Variants in CPNE8 observed in about 807,000 individuals in gnomAD.
CPNE8 encodes copine 8.
In CPNE8, 45 loss-of-function variants were observed where a neutral mutation model predicts 81.5. That is an observed-to-expected ratio of 0.55 (90% CI 0.44 to 0.71). The LOEUF is 0.71. CPNE8 is among the 30% of genes least tolerant of loss of function. CPNE8 has a pLI of 0.00. For missense variants in CPNE8, 594 were observed against 672.1 expected (o/e 0.88, Z 1.28); for synonymous variants, 252 against 226.3 (o/e 1.11, Z -1.02).
chr12:38,817,566 G>A (rs896534181), intron 6 of CPNE8, among the ~76,000 whole-genome samples: 10 of 147,868 alleles, frequency 6.8e-5, no homozygotes, highest in African/African-American at 9.9e-5. Flanking sequence ...TATTACTAAA[G>A]TGATACCAAA....
At chr12:38,895,032 A>T (rs1328350021) in intron 1 of CPNE8, among the ~76,000 whole-genome samples, 2 of 152,120 alleles carry the variant, frequency 1.3e-5, no homozygotes, top group Non-Finnish European at 2.9e-5. Flanking sequence ...TCTCTGGTTC[A>T]TTACACTCTC....
In CPNE8 at chr12:38,685,538, T is replaced by A. The variant is rs1939513668; in HGVS notation, c.1223A>T (p.Gln408Leu). 6.2e-7 allele frequency: 1 copy of A among 1,613,640 alleles called. No individual in the cohort carries two copies. The highest frequency in any genetic ancestry group is 1.3e-5 in the African/African-American group (1 of 75,026). The change falls in exon 16 of 20, where the codon CAA becomes CTA. Residue 408 changes from glutamine (Q) to leucine (L), a missense_variant. Physicochemically the swap from Gln to Leu is moderately radical, Grantham distance 113. Transcript: ENST00000331366. ...AGCAAAGTTGGTGGGCCCATATAGTTGTACAGATTTCAGACTCCTGTAATA... is the reference window on the plus strand; with the variant it reads ...AGCAAAGTTGGTGGGCCCATATAGTAGTACAGATTTCAGACTCCTGTAATA... ...EAYYRSLKSV[Q>L]LYGPTNFAPV...
Position 38,874,420 on chromosome 12 carries a change from A to G in CPNE8, c.139+51T>C, listed in dbSNP as rs190037996. 1.5e-4 allele frequency: 207 copies of G among 1,375,796 alleles called. 1 individual carries two copies. The East Asian group carries it at 3.5e-3, about 23-fold the overall frequency. The allele number at this position is 1,375,796 out of a possible 1,614,324, so 85.2% of individuals were successfully genotyped here. A position where few individuals can be genotyped will look rare whatever the true frequency, so the allele number is the denominator to read the frequency against. On this transcript the variant is annotated intron_variant, in intron 2 of 19. Transcript: ENST00000331366. ...TAAACAAGAACTATGAGTTTCCTAC[A>G]ACTTTTGCAAAATCAAATGATTTTT...
intron 19 of CPNE8, among the ~76,000 whole-genome samples, chr12:38,662,940 C>A (rs1181072503): frequency 6.6e-6 from 1 of 151,950 alleles, no homozygotes; most frequent in Non-Finnish European, 1.5e-5. Flanking sequence ...TATCCATATG[C>A]AGAAGAATGA....
chr12:38,726,812 G>C (rs1423146741), intron 11 of CPNE8, among the ~76,000 whole-genome samples: 1 of 152,054 alleles, frequency 6.6e-6, no homozygotes, highest in Admixed American at 6.6e-5. Flanking sequence ...CAGTTCATAT[G>C]AGTCTTTTTG....
At chr12:38,796,597 T>G (rs1313601871) in intron 6 of CPNE8, among the ~76,000 whole-genome samples, 2 of 152,168 alleles carry the variant, frequency 1.3e-5, no homozygotes, top group Non-Finnish European at 2.9e-5. Flanking sequence ...AGCTCCGGTC[T>G]ACAGCTCCCA....
Position 38,720,139 on chromosome 12 carries a change from AG to A in CPNE8, c.914+3632del, listed in dbSNP as rs759114128. 9.8e-5 allele frequency among the ~76,000 whole-genome samples: 15 copies of A among 152,340 alleles called. No homozygotes were observed. The South Asian group carries it at 2.9e-3, about 29-fold the overall frequency. On this transcript the variant is annotated intron_variant, in intron 13 of 19. Transcript: ENST00000331366. The stretch of plus-strand genomic sequence containing the variant: ...GGATTGGGGCAAACTGTACCCCATA[AG>A]TTGGGGCTCCACTTATAGAATAACT...
chr12:38,685,817 T>A (rs1359513888), intron 15 of CPNE8, 200 bp from the exon 16 acceptor site: 4 of 412,592 alleles, frequency 9.7e-6, no homozygotes, highest in African/African-American at 8.2e-5. Flanking sequence ...ATGTAGATAA[T>A]AACATGATAT....
At chr12:38,739,862 T>G (rs1592051988) in intron 10 of CPNE8, among the ~76,000 whole-genome samples, 1 of 152,194 alleles carries the variant, frequency 6.6e-6, no homozygotes, top group South Asian at 2.1e-4. Context: ...TAGTCTCTAC[T>G]ATGATATATT....
At chr12:38,884,113 A>G (rs1411788086) in intron 1 of CPNE8, among the ~76,000 whole-genome samples, 1 of 152,170 alleles carries the variant, frequency 6.6e-6, no homozygotes. Context: ...AGAGTTGTGC[A>G]ACTACTACCA....
At chr12:38,743,133 AATCATAGAATTAT>A (rs1385433853) in intron 10 of CPNE8, among the ~76,000 whole-genome samples, 2 of 152,120 alleles carry the variant, frequency 1.3e-5, no homozygotes, top group African/African-American at 4.8e-5. Context: ...CATAAATATT[AATCATAGAATTAT>A]ATCAAAAAAG....
At position 38,875,716 on chromosome 12, in the gene CPNE8, G is replaced by C. The variant is rs138307543; in HGVS notation, c.99-1205C>G. On this transcript the variant is annotated intron_variant, in intron 1 of 19. Coordinates refer to ENST00000331366, the MANE Select transcript of CPNE8 (RefSeq NM_153634.3). ...CAATGCAGCACAAACAATGAAATGA[G>C]ATCATGTCTTGAAATATTCCTAGAA... Among the ~76,000 whole-genome samples, 20 of 152,226 alleles carry C rather than the reference G, an allele frequency of 1.3e-4. No homozygotes were observed. The East Asian group carries it at 3.5e-3, about 26-fold the overall frequency.
intron 1 of CPNE8, among the ~76,000 whole-genome samples, chr12:38,899,238 G>A (rs1481201641): frequency 6.6e-6 from 1 of 152,082 alleles, no homozygotes; most frequent in East Asian, 1.9e-4. Flanking sequence ...TAGGAGGTAG[G>A]GCCTTTGGGA....
At chr12:38,760,789 T>C (rs2136848854) in intron 10 of CPNE8, 58 bp downstream of exon 10, 1 of 1,295,372 alleles carries the variant, frequency 7.7e-7, no homozygotes, top group Non-Finnish European at 1.1e-6. Context: ...GTCATTTCAA[T>C]GTATGTGCCT....
At chr12:38,896,201 T>G (rs534237066) in intron 1 of CPNE8, among the ~76,000 whole-genome samples, 1 of 152,282 alleles carries the variant, frequency 6.6e-6, no homozygotes, top group Admixed American at 6.5e-5. Context: ...GGACTATCAG[T>G]GATATTTTGT....
rs1458545267 is a variant in CPNE8, at chr12:38,881,092, C to T, written c.99-6581G>A. ...GGGCGTGGTGGCGGGCGCCTTCATTCCCGGCTACTCGGGAGGCTAAGACAG... is the reference window on the plus strand; with the variant it reads ...GGGCGTGGTGGCGGGCGCCTTCATTTCCGGCTACTCGGGAGGCTAAGACAG... On this transcript the variant is annotated intron_variant, in intron 1 of 19. Transcript: ENST00000331366. Among the ~76,000 whole-genome samples the T allele has an allele frequency of 3.3e-5, 5 of 151,964 alleles. No homozygotes were observed. In the East Asian group the frequency reaches 9.6e-4, roughly 29 times the overall value.
In CPNE8 at chr12:38,807,302, T is replaced by C. The variant is rs1224682176; in HGVS notation, c.407+22077A>G. ...AGAGCCCGCATCGCCAAGTCAATCC[T>C]AAGCCAAAAGAACAAAGCTGGAGGC... On this transcript the variant is annotated intron_variant, in intron 6 of 19. Transcript: ENST00000331366. Among the ~76,000 whole-genome samples the C allele has an allele frequency of 9.8e-3, 1,439 of 146,858 alleles. 23 individuals carry two copies. The highest frequency in any genetic ancestry group is 0.033 in the African/African-American group (1,332 of 40,124).
At chr12:38,745,821 C>A (rs1056905294) in intron 10 of CPNE8, among the ~76,000 whole-genome samples, 1 of 152,210 alleles carries the variant, frequency 6.6e-6, no homozygotes, top group African/African-American at 2.4e-5. Flanking sequence ...GGATTACCTA[C>A]GTGAGCCACG....
At chr12:38,666,728 G>A (rs755660291) in intron 19 of CPNE8, among the ~76,000 whole-genome samples, 7 of 152,074 alleles carry the variant, frequency 4.6e-5, no homozygotes, top group Admixed American at 2.6e-4. Context: ...GTCAGGTCAC[G>A]GAGAATCTTA....
Sources: allele counts gnomAD v4.1 joint callset (sites outside exome capture counted in the v4.1 genomes callset), GRCh38; gene constraint gnomAD v4.1.1; transcripts MANE v1.5; gene names NCBI Gene and HGNC (gene_info 2026-07-23, HGNC 2026-07-21).